The following NKTR variants were observed in gnomAD, a reference collection of about 807,000 sequenced individuals.
NKTR encodes the protein natural killer cell triggering receptor, also known as NK-tumor recognition protein.
Under a neutral mutation model 156.3 loss-of-function variants are expected in NKTR, and 67 were observed. That is an observed-to-expected ratio of 0.43 (90% CI 0.35 to 0.53). The LOEUF (loss-of-function observed/expected upper bound fraction) is 0.53. Among genes scored for constraint, NKTR ranks in the 20% least tolerant of loss-of-function variants. The pLI is 0.01. For missense variants in NKTR, 1,604 were observed against 1,730.9 expected, an observed-to-expected ratio of 0.93 and a Z score of 1.30; for synonymous variants, 640 against 596.6, an observed-to-expected ratio of 1.07 and a Z score of -1.06.
At chr3:42,635,150 C>A in intron 11 of NKTR, 71 bp from the exon 12 acceptor site, 1 of 1,181,960 alleles carries the variant, frequency 8.5e-7, no homozygotes, top group Non-Finnish European at 1.2e-6. Flanking sequence ...GGGTCTTTTA[C>A]TTAACTCTGT....
chr3:42,647,185 G>C lies in NKTR; in HGVS notation c.*1210G>C, dbSNP rs1368659872. 6.6e-6 allele frequency: 1 copy of C among 152,016 alleles called. No homozygotes were observed. The highest frequency in any genetic ancestry group is 2.4e-5 in the African/African-American group (1 of 41,340). 9.4% of individuals were successfully genotyped at this position (152,016 alleles called of 1,614,324 possible). A position where few individuals can be genotyped will look rare whatever the true frequency, so the allele number is the denominator to read the frequency against. ...GACCCAGGTGCAAGAGACAGGGGAA[G>C]AGGGATAGAGGGTATAGCATAAATT... On this transcript the variant is annotated 3_prime_UTR_variant, in exon 17 of 17. Transcript: ENST00000232978.
At chr3:42,603,037 A>AG (rs1559545731) in intron 2 of NKTR, 2 of 151,488 alleles carry the variant, frequency 1.3e-5, no homozygotes, top group African/African-American at 4.9e-5. Flanking sequence ...AAAAAAAAAA[A>AG]AAAGAAAAGA....
At chr3:42,618,733 T>G (rs560382958) in intron 3 of NKTR, among the ~76,000 whole-genome samples, 1 of 152,218 alleles carries the variant, frequency 6.6e-6, no homozygotes, top group Non-Finnish European at 1.5e-5. Flanking sequence ...CGTGTGCCAT[T>G]GCGCCTGACC....
Position 42,637,466 on chromosome 3 carries a change from A to T in NKTR, c.1762A>T (p.Thr588Ser). The change falls in exon 13 of 17, where the codon ACC (threonine) becomes TCC (serine). Residue 588 changes from threonine to serine, a missense_variant. By Grantham distance (58) the Thr-to-Ser change is moderately conservative. Coordinates refer to ENST00000232978, the MANE Select transcript of NKTR (RefSeq NM_005385.4). ...KPVKTEPLRA[T>S]MAQNENVVVQ... The stretch of plus-strand genomic sequence containing the variant: ...AGTTAAAACAGAACCTTTAAGAGCA[A>T]CCATGGCACAAAATGAAAATGTAGT... 6.2e-7 allele frequency: 1 copy of T among 1,613,500 alleles called. No individual in the cohort carries two copies. Among genetic ancestry groups the T allele is most frequent in the Non-Finnish European group, 8.5e-7 (1 of 1,179,838 alleles).
chr3:42,634,338 A>G lies in NKTR; in HGVS notation c.930-275A>G, dbSNP rs533841273. Among the ~76,000 whole-genome samples, 148 of 152,360 alleles carry G rather than the reference A, an allele frequency of 9.7e-4. 1 individual carries two copies. The highest frequency in any genetic ancestry group is 1.4e-3 in the Non-Finnish European group (97 of 68,036). ...GAAAGAAAATGTTTCATGAACAGAAATATCATAATGGCTGGTGTCATTGAT... is the reference window on the plus strand; with the variant it reads ...GAAAGAAAATGTTTCATGAACAGAAGTATCATAATGGCTGGTGTCATTGAT... On this transcript the variant is annotated intron_variant, in intron 10 of 16. Transcript: ENST00000232978.
intron 5 of NKTR, chr3:42,620,947 CAT>C (rs1359409728): frequency 1.1e-6 from 1 of 896,346 alleles, no homozygotes; most frequent in African/African-American, 1.8e-5. Context: ...CTTAATATAA[CAT>C]AATTTTTTTG....
intron 6 of NKTR, chr3:42,627,282 CTGT>C (rs982855269): frequency 8.1e-6 from 8 of 984,060 alleles, no homozygotes; most frequent in Admixed American, 1.2e-4. Flanking sequence ...CTCTTTAATT[CTGT>C]TGTTATGTGC....
At chr3:42,633,178 T>G in intron 9 of NKTR, 1 of 403,432 alleles carries the variant, frequency 2.5e-6, no homozygotes, top group Non-Finnish European at 3.6e-6. Flanking sequence ...TAGCTAGGAC[T>G]ACGGGCGTAT....
In NKTR at chr3:42,638,877, C is replaced by A. The variant is rs1233391137; in HGVS notation, c.3173C>A (p.Thr1058Asn). 6 of 1,608,078 alleles carry A rather than the reference C, an allele frequency of 3.7e-6. No individual in the cohort carries two copies. The Admixed American group carries it at 1.0e-4, about 27-fold the overall frequency. ...NETIKDNILK[T>N]EKSSEEDLSG... is the part of the protein sequence containing the mutation. ...ACCATAAAAGATAATATTCTAAAAACTGAGAAATCCAGTGAAGAGGACCTT... is the reference window on the plus strand; with the variant it reads ...ACCATAAAAGATAATATTCTAAAAAATGAGAAATCCAGTGAAGAGGACCTT... Residue 1058 changes from threonine (T) to asparagine (N), a missense_variant, in exon 13 of 17, where the codon ACT becomes AAT. By Grantham distance (65) the Thr-to-Asn change is moderately conservative (BLOSUM62 0). Around this residue, in one of 6 missense-constraint regions of NKTR, gnomAD observed 1,255 missense variants for 1,243.7 expected, o/e 1.01. Coordinates refer to ENST00000232978, the MANE Select transcript of NKTR (RefSeq NM_005385.4).
rs368857063 is a variant in NKTR at position 42,636,811 on chromosome 3, T to TA, written c.1164-55dup. On this transcript the variant is annotated intron_variant, in intron 12 of 16. Transcript: ENST00000232978. Reference sequence around the variant, plus strand: ...CTTTGTTGTTAACAAAGCTGTGTCTTAAGGTGTAGAAAACATGCTTATAAA... The same window carrying TA: ...CTTTGTTGTTAACAAAGCTGTGTCTTAAAGGTGTAGAAAACATGCTTATAAA... 2.6e-4 allele frequency: 388 copies of TA among 1,510,398 alleles called. 4 individuals are homozygous for TA. The African/African-American group carries it at 4.3e-3, about 17-fold the overall frequency. The allele number at this position is 1,510,398 out of a possible 1,614,324, so 93.6% of individuals were successfully genotyped here.
chr3:42,603,360 T>TAAAAAAAAAA (rs376932471), intron 2 of NKTR, among the ~76,000 whole-genome samples: 1 of 92,740 alleles, frequency 1.1e-5, no homozygotes, highest in African/African-American at 3.6e-5. Context: ...ATCTTGTTTC[T>TAAAAAAAAAA]AAAAAAAAAA....
chr3:42,611,943 A>T (rs1395881947), intron 2 of NKTR, among the ~76,000 whole-genome samples: 1 of 151,720 alleles, frequency 6.6e-6, no homozygotes, highest in Non-Finnish European at 1.5e-5. Flanking sequence ...TCAACAAAAA[A>T]TACAAAAATT....
Position 42,638,653 on chromosome 3 carries a change from A to T in NKTR, c.2949A>T (p.Glu983Asp). 6.2e-7 allele frequency: 1 copy of T among 1,612,368 alleles called. No individual in the cohort carries two copies. The highest frequency in any genetic ancestry group is 8.5e-7 in the Non-Finnish European group (1 of 1,179,608). Reference sequence around the variant, plus strand: ...AAAAGCACAAACATGGGTCAAAGGAAAATCTTAAAAGAGAACACACCAAAA... The same window carrying T: ...AAAAGCACAAACATGGGTCAAAGGATAATCTTAAAAGAGAACACACCAAAA... ...KPQKHKHGSKENLKREHTKKV... is the reference protein window; with the variant it reads ...KPQKHKHGSKDNLKREHTKKV... Residue 983 changes from glutamate (E) to aspartate (D), a missense_variant, in exon 13 of 17, where the codon GAA becomes GAT. Glu to Asp is a conservative substitution (Grantham distance 45, BLOSUM62 2). Transcript: ENST00000232978.
rs755930710 is a variant in NKTR at position 42,639,176 on chromosome 3, A to G, written c.3472A>G (p.Ile1158Val). The change falls in exon 13 of 17, where the codon ATA (isoleucine) becomes GTA (valine). Residue 1158 changes from isoleucine (I) to valine (V), a missense_variant. Coordinates refer to ENST00000232978, the MANE Select transcript of NKTR (RefSeq NM_005385.4). ...AAATGCACGGCTTGATACCCCAGAT[A>G]TAAACATTGTTTTGAAGCAGGATAT... Reference protein sequence around the residue: ...LGNARLDTPDINIVLKQDMAT... With the variant: ...LGNARLDTPDVNIVLKQDMAT... 6.2e-7 allele frequency: 1 copy of G among 1,614,058 alleles called. No individual in the cohort carries two copies. Among genetic ancestry groups the G allele is most frequent in the African/African-American group, 1.3e-5 (1 of 74,916 alleles).
chr3:42,635,127 A>G (rs974305119), intron 11 of NKTR, 94 bp from the exon 12 acceptor site: 24 of 832,768 alleles, frequency 2.9e-5, no homozygotes, highest in Non-Finnish European at 3.6e-5. Flanking sequence ...CTTTGATGGG[A>G]TGATCTGAGA....
chr3:42,618,933 T>C (rs1707657756), intron 3 of NKTR, 87 bp from the exon 4 acceptor site: 1 of 1,147,466 alleles, frequency 8.7e-7, no homozygotes, highest in Admixed American at 2.7e-5. Context: ...CAGGAAAGAT[T>C]TGACACAGGA....
chr3:42,616,392 A>G (rs1249957843), intron 2 of NKTR, among the ~76,000 whole-genome samples: 1 of 152,200 alleles, frequency 6.6e-6, no homozygotes, highest in East Asian at 1.9e-4. Context: ...TTATAGTAAT[A>G]GATTATGATT....
At chr3:42,615,382 A>C (rs1442721362) in intron 2 of NKTR, among the ~76,000 whole-genome samples, 1 of 139,280 alleles carries the variant, frequency 7.2e-6, no homozygotes, top group Non-Finnish European at 1.6e-5. Context: ...CCTGGCCGAG[A>C]TTTTTTTTTT....
chr3:42,638,073 A>G lies in NKTR; in HGVS notation c.2369A>G (p.Asp790Gly). The G allele has an allele frequency of 1.2e-6, 2 of 1,614,158 alleles. No individual in the cohort carries two copies. The highest frequency in any genetic ancestry group is 1.7e-6 in the Non-Finnish European group (2 of 1,180,020). ...TLHSKYVKGR[D>G]RSSCVRKYSE... ...CACAGTAAATATGTCAAAGGTAGAG[A>G]CAGGTCTTCATGTGTGAGAAAGTAT... The change falls in exon 13 of 17, where the codon GAC becomes GGC. Residue 790 changes from aspartate (D) to glycine (G), a missense_variant. Around this residue, in one of 6 missense-constraint regions of NKTR, gnomAD observed 1,255 missense variants for 1,243.7 expected, o/e 1.01. Coordinates refer to ENST00000232978, the MANE Select transcript of NKTR (RefSeq NM_005385.4).
Sources: gnomAD v4.1 joint callset for allele counts (sites outside exome capture counted in the v4.1 genomes callset) on GRCh38, gnomAD v4.1.1 for gene constraint, gnomAD v4.1.1 regional missense constraint, MANE v1.5 for transcripts, NCBI Gene and HGNC (gene_info 2026-07-23, HGNC 2026-07-21) for gene names.